Variants in FBXL7 observed in about 807,000 individuals in gnomAD.
FBXL7 encodes F-box and leucine rich repeat protein 7.
In FBXL7, 12 loss-of-function variants were observed where a neutral mutation model predicts 38.3. That is an observed-to-expected ratio of 0.31 (90% CI 0.20 to 0.51). FBXL7 has a LOEUF of 0.51. FBXL7 is among the 20% of genes least tolerant of loss of function. The pLI, the probability that FBXL7 is intolerant of heterozygous loss-of-function variation, is 0.98. For synonymous variants in FBXL7, 297 were observed against 300.9 expected (o/e 0.99, Z 0.13); for missense variants, 567 against 676.4 (o/e 0.84, Z 1.79).
At chr5:15,563,989 T>C (rs1738490112) in intron 1 of FBXL7, among the ~76,000 whole-genome samples, 1 of 152,116 alleles carries the variant, frequency 6.6e-6, no homozygotes, top group Admixed American at 6.5e-5. Flanking sequence ...GCATTTAAAA[T>C]AAATTCATGT....
chr5:15,820,488 C>T (rs1738141087), intron 2 of FBXL7, among the ~76,000 whole-genome samples: 2 of 152,144 alleles, frequency 1.3e-5, no homozygotes, highest in Admixed American at 6.5e-5. Flanking sequence ...ATCTCTCTTC[C>T]TCCCCTTCCC....
intron 1 of FBXL7, among the ~76,000 whole-genome samples, chr5:15,527,820 A>G (rs1218476655): frequency 2.6e-5 from 4 of 152,228 alleles, no homozygotes; most frequent in Admixed American, 6.5e-5. Flanking sequence ...AGTATCTTCC[A>G]TAATACTGCC....
chr5:15,509,114 A>G (rs1736726202), intron 1 of FBXL7, among the ~76,000 whole-genome samples: 1 of 152,144 alleles, frequency 6.6e-6, no homozygotes, highest in East Asian at 1.9e-4. Context: ...ATTTGATCAG[A>G]AGCTACAGAC....
intron 2 of FBXL7, among the ~76,000 whole-genome samples, chr5:15,863,253 T>G (rs1316733378): frequency 6.6e-6 from 1 of 152,150 alleles, no homozygotes; most frequent in Non-Finnish European, 1.5e-5. Context: ...AGAGAAGAAC[T>G]GAGGAAATCC....
intron 1 of FBXL7, among the ~76,000 whole-genome samples, chr5:15,545,518 C>T (rs1445616927): frequency 2.6e-5 from 4 of 151,962 alleles, no homozygotes; most frequent in Non-Finnish European, 4.4e-5. Context: ...AATTGAATGT[C>T]ACTGTGTCTT....
chr5:15,684,060 G>C (rs1180079143), intron 2 of FBXL7, among the ~76,000 whole-genome samples: 1 of 151,994 alleles, frequency 6.6e-6, no homozygotes, highest in African/African-American at 2.4e-5. Flanking sequence ...ATTTCAATAT[G>C]GTTTAAATTC....
At chr5:15,596,685 G>A (rs549041491) in intron 1 of FBXL7, among the ~76,000 whole-genome samples, 3 of 152,308 alleles carry the variant, frequency 2.0e-5, no homozygotes, top group African/African-American at 4.8e-5. Flanking sequence ...TCCCCAAGGC[G>A]GGGAGAAGGG....
chr5:15,521,100 T>C (rs1000836698), intron 1 of FBXL7, among the ~76,000 whole-genome samples: 8 of 152,212 alleles, frequency 5.3e-5, no homozygotes, highest in African/African-American at 1.7e-4. Flanking sequence ...GACTAATTGC[T>C]AGTTGCCCGA....
chr5:15,888,160 G>A (rs1740754774), intron 2 of FBXL7, among the ~76,000 whole-genome samples: 1 of 152,034 alleles, frequency 6.6e-6, no homozygotes, highest in Admixed American at 6.6e-5. Flanking sequence ...TCCAAATTCT[G>A]ATGAACTGAT....
chr5:15,529,898 T>C (rs1375454900), intron 1 of FBXL7, among the ~76,000 whole-genome samples: 2 of 152,154 alleles, frequency 1.3e-5, no homozygotes, highest in African/African-American at 4.8e-5. Flanking sequence ...GTAACCCAAA[T>C]TGGGGTGGTA....
At chr5:15,682,896 G>A (rs541771304) in intron 2 of FBXL7, among the ~76,000 whole-genome samples, 4 of 152,282 alleles carry the variant, frequency 2.6e-5, no homozygotes, top group South Asian at 2.1e-4. Context: ...TCTGTTTGTC[G>A]AAGATGACAG....
chr5:15,524,280 C>T (rs1353922633), intron 1 of FBXL7, among the ~76,000 whole-genome samples: 1 of 152,086 alleles, frequency 6.6e-6, no homozygotes, highest in Non-Finnish European at 1.5e-5. Context: ...AAGAACAAAA[C>T]TTGACCAAAG....
chr5:15,658,853 G>A (rs552909642), intron 2 of FBXL7, among the ~76,000 whole-genome samples: 4 of 152,160 alleles, frequency 2.6e-5, no homozygotes, highest in Admixed American at 1.3e-4. Context: ...CCCAGGGCAC[G>A]GTGCTGGGCT....
intron 1 of FBXL7, among the ~76,000 whole-genome samples, chr5:15,590,520 C>G (rs1039648624): frequency 9.8e-4 from 149 of 152,178 alleles, no homozygotes; most frequent in African/African-American, 3.5e-3. Flanking sequence ...CCTCCTTTTT[C>G]TCTTTTATCT....
At chr5:15,800,853 A>G (rs1263618594) in intron 2 of FBXL7, among the ~76,000 whole-genome samples, 1 of 152,220 alleles carries the variant, frequency 6.6e-6, no homozygotes, top group Non-Finnish European at 1.5e-5. Flanking sequence ...CCTTACTAGA[A>G]GGTGCACATA....
chr5:15,827,363 G>C (rs1738343981), intron 2 of FBXL7, among the ~76,000 whole-genome samples: 1 of 151,962 alleles, frequency 6.6e-6, no homozygotes, highest in South Asian at 2.1e-4. Flanking sequence ...TTCATTTTTG[G>C]GGTCATTGGA....
chr5:15,725,970 G>T (rs779773067), intron 2 of FBXL7, among the ~76,000 whole-genome samples: 2 of 152,150 alleles, frequency 1.3e-5, no homozygotes, highest in South Asian at 2.1e-4. Flanking sequence ...GGGTATTCAA[G>T]TCTGCAACTA....
intron 2 of FBXL7, among the ~76,000 whole-genome samples, chr5:15,822,948 C>A (rs1252112610): frequency 1.3e-5 from 2 of 152,066 alleles, no homozygotes; most frequent in African/African-American, 2.4e-5. Flanking sequence ...TAGCAAGTGT[C>A]CAGGTGATGC....
intron 2 of FBXL7, among the ~76,000 whole-genome samples, chr5:15,788,578 C>T (rs924969634): frequency 7.9e-5 from 12 of 152,176 alleles, no homozygotes; most frequent in African/African-American, 2.9e-4. Flanking sequence ...CCTCCTTGAA[C>T]CTTAACCTTC....
Sources: gnomAD v4.1 joint callset for allele counts (sites outside exome capture counted in the v4.1 genomes callset) on GRCh38, gnomAD v4.1.1 for gene constraint, MANE v1.5 for transcripts, NCBI Gene and HGNC (gene_info 2026-07-23, HGNC 2026-07-21) for gene names.